Variants in GPR143 observed in about 807,000 individuals in gnomAD.
GPR143 encodes G-protein coupled receptor 143.
GPR143 carries 8 observed loss-of-function variants against 27.6 expected under a neutral mutation model. That is an observed-to-expected ratio of 0.29 (90% CI 0.17 to 0.52). GPR143 has a LOEUF of 0.52. GPR143 is among the 20% of genes least tolerant of loss of function. The probability of loss-of-function intolerance (pLI) is 0.96; values close to 1 mark genes in which losing one functional copy is unlikely to be tolerated. For synonymous variants in GPR143, 156 were observed against 153.2 expected, an observed-to-expected ratio of 1.02 and a Z score of -0.13; for missense variants, 303 against 343.1, an observed-to-expected ratio of 0.88 and a Z score of 0.92.
chrX:9,775,155 G>A (rs891678253), intron 1 of GPR143, among the ~76,000 whole-genome samples: 1 of 112,255 alleles, frequency 8.9e-6, no homozygotes, highest in African/African-American at 3.2e-5. Flanking sequence ...AAAGGAATGG[G>A]TTTTGAACAC....
intron 2 of GPR143, among the ~76,000 whole-genome samples, chrX:9,759,882 A>G (rs1384386275): frequency 9.0e-6 from 1 of 111,237 alleles, no homozygotes; most frequent in Non-Finnish European, 1.9e-5. Context: ...CCATAGATGC[A>G]GTTAGGAAGC....
In GPR143 at chrX:9,743,660, A is replaced by G. The variant is rs1314600461; in HGVS notation, c.672T>C (p.Leu224=). 1.8e-6 allele frequency: 2 copies of G among 1,112,331 alleles called. No homozygotes were observed. The highest frequency in any genetic ancestry group is 2.5e-6 in the Non-Finnish European group (2 of 804,583). The allele number at this position is 1,112,331 out of a possible 1,213,427, so 91.7% of individuals were successfully genotyped here. The change falls in exon 6 of 9, where the codon CTT becomes CTC. Residue 224 remains leucine (L), a synonymous_variant. Transcript: ENST00000467482. ...CCGTGTAAATGCCTTGTCTTCCTTT[A>G]AGTAAAGAGGCCACTGTGAAGAACA... The part of the protein sequence containing the change: ...QKTVTAVASL[L]KGRQGIYTEN...
intron 6 of GPR143, 103 bp downstream of exon 6, chrX:9,743,462 G>T (rs957941867): frequency 3.6e-6 from 2 of 548,304 alleles, no homozygotes; most frequent in African/African-American, 2.3e-5. Context: ...CTTCCCAAAG[G>T]CTCTTCCCTT....
upstream of GPR143, among the ~76,000 whole-genome samples, chrX:9,769,469 A>C (rs2083545910): frequency 8.9e-6 from 1 of 112,461 alleles, no homozygotes. Flanking sequence ...GGTGAGACTC[A>C]GATATCCCTT....
chrX:9,743,210 C>A (rs2083412144), intron 6 of GPR143, among the ~76,000 whole-genome samples: 1 of 75,233 alleles, frequency 1.3e-5, no homozygotes, highest in Non-Finnish European at 2.4e-5. Flanking sequence ...CAGAGAAAGA[C>A]CCTGTCTCAA....
chrX:9,738,748 C>T (rs998506401), intron 8 of GPR143, among the ~76,000 whole-genome samples: 1 of 112,085 alleles, frequency 8.9e-6, no homozygotes, highest in African/African-American at 3.2e-5. Flanking sequence ...CCTCAGCCTC[C>T]CAAGTAGCTG....
intron 8 of GPR143, among the ~76,000 whole-genome samples, chrX:9,735,357 C>G (rs1366489676): frequency 9.0e-6 from 1 of 111,186 alleles, no homozygotes; most frequent in East Asian, 2.8e-4. Flanking sequence ...GAGCCACAAC[C>G]GTCCCCAAAC....
intron 1 of GPR143, among the ~76,000 whole-genome samples, chrX:9,765,002 C>A (rs1426952282): frequency 1.1e-5 from 1 of 94,010 alleles, no homozygotes; most frequent in Non-Finnish European, 2.1e-5. Context: ...TCAGTCTGGG[C>A]GACAGAGCAA....
chrX:9,764,689 C>T (rs980448689), intron 1 of GPR143, among the ~76,000 whole-genome samples: 1 of 111,020 alleles, frequency 9.0e-6, no homozygotes, highest in Admixed American at 9.6e-5. Flanking sequence ...TTTTTAAAAC[C>T]CAACGTCCCT....
intron 8 of GPR143, among the ~76,000 whole-genome samples, chrX:9,734,098 G>T (rs868136273): frequency 1.2e-5 from 1 of 86,642 alleles, no homozygotes; most frequent in Non-Finnish European, 2.2e-5. Flanking sequence ...AAAAAAAAAA[G>T]AAGAAGAATA....
At chrX:9,760,629 A>G in intron 2 of GPR143, 88 bp downstream of exon 2, 1 of 550,864 alleles carries the variant, frequency 1.8e-6, no homozygotes, top group Non-Finnish European at 3.2e-6. Flanking sequence ...GAGAACCTGC[A>G]TTTCTAACAG....
At chrX:9,725,986 A>C in intron 8 of GPR143, 146 bp from the exon 9 acceptor site, 1 of 992,323 alleles carries the variant, frequency 1.0e-6, no homozygotes, top group Non-Finnish European at 1.3e-6. Flanking sequence ...TCTGCAAAAA[A>C]AAAAAAAAAA....
chrX:9,749,370 C>T (rs2083442611), intron 3 of GPR143, among the ~76,000 whole-genome samples: 1 of 111,018 alleles, frequency 9.0e-6, no homozygotes, highest in African/African-American at 3.3e-5. Context: ...AACCTCTTTC[C>T]TTTATCAATT....
intron 8 of GPR143, among the ~76,000 whole-genome samples, chrX:9,730,134 A>G (rs1312803342): frequency 1.8e-5 from 2 of 112,449 alleles, no homozygotes; most frequent in South Asian, 3.6e-4. Context: ...TTTAAACTCT[A>G]TGGTGTTCAC....
At chrX:9,767,908 T>C (rs1055015446), upstream of GPR143, among the ~76,000 whole-genome samples, 2 of 112,013 alleles carry the variant, frequency 1.8e-5, no homozygotes, top group African/African-American at 6.5e-5. Context: ...GTCTGTACAT[T>C]TGCCTGAAGG....
chrX:9,738,344 G>A (rs1220692556), intron 8 of GPR143: 1 of 610,340 alleles, frequency 1.6e-6, no homozygotes, highest in Non-Finnish European at 2.0e-6. Flanking sequence ...TTCCCTAGAT[G>A]GTATCAGTAA....
chrX:9,746,422 C>A (rs1308938398), intron 4 of GPR143, among the ~76,000 whole-genome samples: 1 of 110,497 alleles, frequency 9.1e-6, no homozygotes, highest in East Asian at 2.9e-4. Flanking sequence ...AAGGTTCCTG[C>A]TGGGAAAAGA....
At position 9,725,776 on chromosome X, in the gene GPR143, G is replaced by T; in HGVS notation, c.1185C>A (p.Asp395Glu). 8.3e-7 allele frequency: 1 copy of T among 1,208,699 alleles called. No homozygotes were observed. Among genetic ancestry groups the T allele is most frequent in the South Asian group, 1.8e-5 (1 of 56,774 alleles). Residue 395 changes from aspartate (D) to glutamate (E), a missense_variant, in exon 9 of 9, where the codon GAC becomes GAA. By Grantham distance (45) the Asp-to-Glu change is conservative (BLOSUM62 2). Coordinates refer to ENST00000467482, the MANE Select transcript of GPR143 (RefSeq NM_000273.3). The stretch of plus-strand genomic sequence containing the variant: ...GGTCTCCATGGGTTGGGAGAGCAGG[G>T]TCACCCTCATTTTTGTTGCAGGATT... ...ASESCNKNEG[D>E]PALPTHGDL
intron 6 of GPR143, 111 bp from the exon 7 acceptor site, chrX:9,741,566 G>T (rs2083404473): frequency 6.0e-6 from 3 of 500,060 alleles, no homozygotes; most frequent in Non-Finnish European, 1.1e-5. Context: ...ACCAACTCCC[G>T]GTATAGACAT....
Sources: allele counts gnomAD v4.1 joint callset (sites outside exome capture counted in the v4.1 genomes callset), GRCh38; gene constraint gnomAD v4.1.1; transcripts MANE v1.5; gene names NCBI Gene and HGNC (gene_info 2026-07-23, HGNC 2026-07-21).